The following SI variants were observed in gnomAD, a reference collection of about 807,000 sequenced individuals.
The protein encoded by SI is sucrase-isomaltase, intestinal.
SI carries 235 observed loss-of-function variants against 253.3 expected under a neutral mutation model. That is an observed-to-expected ratio of 0.93 (90% CI 0.83 to 1.03). SI has a LOEUF of 1.03. Among genes scored for constraint, SI ranks in the 50% least tolerant of loss-of-function variants. SI has a pLI of 0.00. For missense variants in SI, 2,442 were observed against 2,211.1 expected (o/e 1.10, Z -2.09); for synonymous variants, 819 against 712.0 (o/e 1.15, Z -2.39).
At chr3:165,078,759 T>G (rs937720984), upstream of SI, among the ~76,000 whole-genome samples, 2 of 151,624 alleles carry the variant, frequency 1.3e-5, no homozygotes, top group African/African-American at 4.8e-5. Flanking sequence ...TTTTCTCTTT[T>G]CAAAATTATA....
At chr3:165,015,360 A>C in intron 32 of SI, 127 bp from the exon 33 acceptor site, 2 of 715,854 alleles carry the variant, frequency 2.8e-6, no homozygotes, top group South Asian at 3.2e-5. Flanking sequence ...TAAATGACAA[A>C]TGATACAAAC....
At chr3:165,028,610 A>T (rs1436799959) in intron 25 of SI, among the ~76,000 whole-genome samples, 1 of 151,496 alleles carries the variant, frequency 6.6e-6, no homozygotes, top group African/African-American at 2.4e-5. Flanking sequence ...AATGGAACAG[A>T]ATAGAGAACC....
chr3:165,007,231 A>G (rs1312419486), intron 36 of SI, among the ~76,000 whole-genome samples: 3 of 152,098 alleles, frequency 2.0e-5, no homozygotes, highest in Admixed American at 6.6e-5. Flanking sequence ...CACTGATTAG[A>G]GTTTTATTAA....
At chr3:165,082,456 C>T (rs1189553284), upstream of SI, among the ~76,000 whole-genome samples, 1 of 151,958 alleles carries the variant, frequency 6.6e-6, no homozygotes, top group African/African-American at 2.4e-5. Flanking sequence ...ATGCCCAGTG[C>T]AGTAGTCCAA....
At chr3:164,989,497 A>G (rs1459584608) in intron 44 of SI, among the ~76,000 whole-genome samples, 5 of 151,856 alleles carry the variant, frequency 3.3e-5, no homozygotes, top group Non-Finnish European at 5.9e-5. Context: ...AGAAATGAGA[A>G]GAGAAAGAAG....
Position 164,982,143 on chromosome 3 carries a change from T to G in SI, c.5415+100A>C, listed in dbSNP as rs1305429374. The stretch of plus-strand genomic sequence containing the variant: ...AGGAATATATGAAGAATGTCATAAT[T>G]GACTCATAATTATGTTTCTTACAGA... On this transcript the variant is annotated intron_variant, in intron 47 of 47. Transcript: ENST00000264382. 4 of 834,422 alleles carry G rather than the reference T, an allele frequency of 4.8e-6. No homozygotes were observed. In the African/African-American group the frequency reaches 7.0e-5, roughly 15 times the overall value. The allele number at this position is 834,422 out of a possible 1,614,324, so 51.7% of individuals were successfully genotyped here. A position where few individuals can be genotyped will look rare whatever the true frequency, so the allele number is the denominator to read the frequency against.
At chr3:165,086,467 T>TA in the SI span, among the ~76,000 whole-genome samples, 8 of 152,126 alleles carry the variant, frequency 5.3e-5, no homozygotes, top group African/African-American at 1.7e-4. Flanking sequence ...CTTTCACAAA[T>TA]ACAGAATTGT....
chr3:165,057,828 A>G (rs976470971), intron 12 of SI, among the ~76,000 whole-genome samples: 1 of 152,064 alleles, frequency 6.6e-6, no homozygotes, highest in Non-Finnish European at 1.5e-5. Flanking sequence ...GACAAGTCCT[A>G]TAAGATATGC....
chr3:165,017,290 A>G (rs1238005281), intron 31 of SI, among the ~76,000 whole-genome samples: 1 of 151,968 alleles, frequency 6.6e-6, no homozygotes, highest in Non-Finnish European at 1.5e-5. Flanking sequence ...AGAGGAAATC[A>G]AGTGCACAGT....
chr3:164,996,328 T>C (rs1455374782), intron 40 of SI, among the ~76,000 whole-genome samples: 2 of 151,782 alleles, frequency 1.3e-5, no homozygotes, highest in African/African-American at 4.8e-5. Context: ...TATTTAGATA[T>C]TGGCTCTAAC....
intron 33 of SI, among the ~76,000 whole-genome samples, chr3:165,013,788 T>C (rs1270973280): frequency 6.6e-6 from 1 of 152,094 alleles, no homozygotes; most frequent in Non-Finnish European, 1.5e-5. Context: ...ACAAAATGTG[T>C]AGAAATACAG....
intron 22 of SI, among the ~76,000 whole-genome samples, chr3:165,034,906 C>G (rs1418598228): frequency 6.6e-6 from 1 of 151,972 alleles, no homozygotes; most frequent in Non-Finnish European, 1.5e-5. Context: ...TTAAAAAGAG[C>G]TACAGGCCAG....
At chr3:165,019,536 A>G (rs1719200617) in intron 28 of SI, 66 bp downstream of exon 28, 2 of 1,400,812 alleles carry the variant, frequency 1.4e-6, no homozygotes, top group East Asian at 2.3e-5. Flanking sequence ...AGGCCCATAA[A>G]GAAGTGGCTT....
At position 165,078,415 on chromosome 3, in the gene SI, T is replaced by C. The variant is rs968143253; in HGVS notation, c.-1+18A>G. 15 of 151,928 alleles carry C rather than the reference T, an allele frequency of 9.9e-5. No individual in the cohort carries two copies. In the South Asian group the frequency reaches 2.9e-3, roughly 29 times the overall value. The allele number at this position is 151,928 out of a possible 1,614,324, so 9.4% of individuals were successfully genotyped here. A position where few individuals can be genotyped will look rare whatever the true frequency, so the allele number is the denominator to read the frequency against. On this transcript the variant is annotated intron_variant, in intron 1 of 47. Coordinates refer to ENST00000264382, the MANE Select transcript of SI (RefSeq NM_001041.4). ...GAAAACATAAAAATAACAAAAAACA[T>C]ATGAGCCATAGACTTACCTTATTTC...
At chr3:165,039,213 A>G (rs1712691772) in intron 19 of SI, 79 bp from the exon 20 acceptor site, 2 of 986,486 alleles carry the variant, frequency 2.0e-6, no homozygotes, top group Admixed American at 3.9e-5. Context: ...TTGGGTTTTC[A>G]TAGTCAAGGG....
At chr3:165,045,749 A>C (rs1713067668) in intron 16 of SI, among the ~76,000 whole-genome samples, 1 of 149,300 alleles carries the variant, frequency 6.7e-6, no homozygotes, top group Non-Finnish European at 1.5e-5. Context: ...AGATTTAATA[A>C]GTAAAATTGT....
Position 165,049,862 on chromosome 3 carries a change from A to G in SI, c.1526T>C (p.Val509Ala), listed in dbSNP as rs551453053. 10 of 1,600,648 alleles carry G rather than the reference A, an allele frequency of 6.2e-6. No individual in the cohort carries two copies. Among genetic ancestry groups the G allele is most frequent in the Non-Finnish European group, 8.6e-6 (10 of 1,168,392 alleles). Residue 509 changes from valine (V) to alanine (A), a missense_variant, in exon 14 of 48, where the codon GTT becomes GCT. Transcript: ENST00000264382. ...TGTTGAACCTTGAATAAAGCTGGAA[A>G]CTTCATTCATGTCCTGAATGGATAC... ...YDGLWIDMNE[V>A]SSFIQGSTKG...
intron 37 of SI, among the ~76,000 whole-genome samples, chr3:165,000,458 A>C (rs746377465): frequency 4.0e-5 from 6 of 151,494 alleles, no homozygotes; most frequent in Non-Finnish European, 7.4e-5. Flanking sequence ...ACTACAAATA[A>C]ATGATAAATA....
At position 164,982,394 on chromosome 3, in the gene SI, G is replaced by T; in HGVS notation, c.5264C>A (p.Thr1755Asn). 1 of 1,611,252 alleles carries T rather than the reference G, an allele frequency of 6.2e-7. No homozygotes were observed. The highest frequency in any genetic ancestry group is 8.5e-7 in the Non-Finnish European group (1 of 1,178,018). Residue 1755 changes from threonine to asparagine, a missense_variant, in exon 47 of 48, where the codon ACT (threonine) becomes AAT (asparagine). Thr to Asn is a moderately conservative substitution (Grantham distance 65). Coordinates refer to ENST00000264382, the MANE Select transcript of SI (RefSeq NM_001041.4). Reference sequence around the variant, plus strand: ...ATTTATGTAACCTCTCTTCAATATAGTGCTTGTTAAGGTGGTCTATAAATA... The same window carrying T: ...ATTTATGTAACCTCTCTTCAATATATTGCTTGTTAAGGTGGTCTATAAATA... ...FNLNQTTLTSTILKRGYINKS... is the reference protein window; with the variant it reads ...FNLNQTTLTSNILKRGYINKS...
Sources: allele counts gnomAD v4.1 joint callset (sites outside exome capture counted in the v4.1 genomes callset), GRCh38; gene constraint gnomAD v4.1.1; transcripts MANE v1.5; gene names NCBI Gene and HGNC (gene_info 2026-07-23, HGNC 2026-07-21).